Variants in NETO2 observed in about 807,000 individuals in gnomAD.
NETO2 encodes the protein neuropilin and tolloid like 2.
In NETO2, 28 loss-of-function variants were observed where a neutral mutation model predicts 62.5. That is an observed-to-expected ratio of 0.45 (90% confidence interval 0.33 to 0.61). The LOEUF (loss-of-function observed/expected upper bound fraction) is 0.61. NETO2 is among the 20% of genes least tolerant of loss of function. NETO2 has a pLI of 0.02. For missense variants in NETO2, 548 were observed against 643.2 expected (o/e 0.85, Z 1.60); for synonymous variants, 214 against 219.1 (o/e 0.98, Z 0.21).
intron 3 of NETO2, among the ~76,000 whole-genome samples, chr16:47,128,935 G>A (rs548098411): frequency 1.8e-4 from 27 of 152,248 alleles, no homozygotes; most frequent in African/African-American, 6.5e-4. Flanking sequence ...TTTGAATTAA[G>A]CCTTATAAGG....
At chr16:47,125,239 T>G (rs183631534) in intron 4 of NETO2, among the ~76,000 whole-genome samples, 1 of 152,244 alleles carries the variant, frequency 6.6e-6, no homozygotes, top group East Asian at 1.9e-4. Flanking sequence ...ATCAGTCATT[T>G]TGATATAAAC....
intron 6 of NETO2, among the ~76,000 whole-genome samples, chr16:47,117,166 C>A (rs1216219144): frequency 6.6e-6 from 1 of 152,132 alleles, no homozygotes; most frequent in Non-Finnish European, 1.5e-5. Context: ...CCCCTTACTG[C>A]CTATCCCAGC....
chr16:47,093,196 GCCT>G (rs1261832718), intron 7 of NETO2, among the ~76,000 whole-genome samples: 1 of 151,914 alleles, frequency 6.6e-6, no homozygotes, highest in Non-Finnish European at 1.5e-5. Context: ...TACCTTTCCT[GCCT>G]CCTTTCTCTG....
intron 1 of NETO2, among the ~76,000 whole-genome samples, chr16:47,140,235 T>C (rs1490710648): frequency 6.6e-6 from 1 of 152,198 alleles, no homozygotes; most frequent in Non-Finnish European, 1.5e-5. Context: ...TGGAAACCAT[T>C]GGATTAGACC....
At chr16:47,131,051 A>G (rs1348875517) in intron 2 of NETO2, among the ~76,000 whole-genome samples, 1 of 151,880 alleles carries the variant, frequency 6.6e-6, no homozygotes, top group East Asian at 1.9e-4. Context: ...AATGGAGGAA[A>G]GGGAATTTTA....
rs756978804 is a variant in NETO2 at position 47,128,591 on chromosome 16, G to A, written c.233-18C>T. 6.2e-6 allele frequency: 10 copies of A among 1,605,826 alleles called. No individual in the cohort carries two copies. Among genetic ancestry groups the A allele is most frequent in the East Asian group, 4.5e-5 (2 of 44,840 alleles). ...TGGAGCAGCTAGAAAATAAGAGTAA[G>A]CAAATCAGGACAACACAAACAAGAA... On this transcript the variant is annotated intron_variant, in intron 3 of 8. Coordinates refer to ENST00000562435, the MANE Select transcript of NETO2 (RefSeq NM_018092.5).
In NETO2 at chr16:47,088,588, T is replaced by C. The variant is rs954624834; in HGVS notation, c.884-2249A>G. On this transcript the variant is annotated intron_variant, in intron 7 of 8. Transcript: ENST00000562435. ...TTTTATACTGTTTTCAGAAGGTTTT[T>C]CAAGATAGAGTATCTAAAATTTTAC... Among the ~76,000 whole-genome samples the C allele has an allele frequency of 4.6e-5, 7 of 152,228 alleles. No homozygotes were observed. In the South Asian group the frequency reaches 1.4e-3, roughly 31 times the overall value.
In NETO2 at chr16:47,080,796, C is replaced by T. The variant is rs1963048951; in HGVS notation, c.*2425G>A. 6.6e-6 allele frequency: 1 copy of T among 152,180 alleles called. No individual in the cohort carries two copies. The highest frequency in any genetic ancestry group is 2.4e-5 in the African/African-American group (1 of 41,428). 9.4% of individuals were successfully genotyped at this position (152,180 alleles called of 1,614,324 possible). On this transcript the variant is annotated 3_prime_UTR_variant, in exon 9 of 9. Coordinates refer to ENST00000562435, the MANE Select transcript of NETO2 (RefSeq NM_018092.5). ...GGGTTAAGAAGCACCATTATAACCT[C>T]TGTCTCCATTTTGCATCTTTTTTAC...
At position 47,118,124 on chromosome 16, in the gene NETO2, C is replaced by T. The variant is rs1306873750; in HGVS notation, c.654+4533G>A. Among the ~76,000 whole-genome samples, 2 of 152,148 alleles carry T rather than the reference C, an allele frequency of 1.3e-5. 1 individual carries two copies. The highest frequency in any genetic ancestry group is 4.2e-4 in the South Asian group (2 of 4,818). Reference sequence around the variant, plus strand: ...CTGTTAAAAAATCCCTGGAGAATGTCGTTTTTTGTTATTTGTTTTGGTTCT... The same window carrying T: ...CTGTTAAAAAATCCCTGGAGAATGTTGTTTTTTGTTATTTGTTTTGGTTCT... On this transcript the variant is annotated intron_variant, in intron 6 of 8. Transcript: ENST00000562435.
At position 47,083,320 on chromosome 16, in the gene NETO2, C is replaced by G. The variant is rs1963109350; in HGVS notation, c.1479G>C (p.Glu493Asp). 1.9e-6 allele frequency: 3 copies of G among 1,614,090 alleles called. No homozygotes were observed. The African/African-American group carries it at 4.0e-5, about 22-fold the overall frequency. The change falls in exon 9 of 9, where the codon GAG becomes GAC. Residue 493 changes from glutamate (E) to aspartate (D), a missense_variant. Glu to Asp is a conservative substitution (Grantham distance 45). Transcript: ENST00000562435. ...YTFKQGHECP[E>D]QALEDRVMEE... The stretch of plus-strand genomic sequence containing the variant: ...CCATTACTCGGTCTTCCAGGGCCTG[C>G]TCAGGGCACTCATGTCCCTGTTTGA...
chr16:47,117,420 A>C (rs1256554479), intron 6 of NETO2, among the ~76,000 whole-genome samples: 1 of 152,036 alleles, frequency 6.6e-6, no homozygotes, highest in Non-Finnish European at 1.5e-5. Context: ...CAAGTTTGGG[A>C]CTTTTTAGCA....
chr16:47,091,188 G>A (rs542694782), intron 7 of NETO2, among the ~76,000 whole-genome samples: 185 of 152,158 alleles, frequency 1.2e-3, no homozygotes, highest in Non-Finnish European at 1.9e-3. Context: ...CTGAAGGGGC[G>A]GCTTTCTTCT....
chr16:47,115,302 T>C (rs1227449644), intron 6 of NETO2, among the ~76,000 whole-genome samples: 2 of 152,192 alleles, frequency 1.3e-5, no homozygotes, highest in Non-Finnish European at 2.9e-5. Context: ...ATTGTATTCA[T>C]CTGTGTAGAT....
chr16:47,112,845 AATG>A (rs1596724984), intron 6 of NETO2, among the ~76,000 whole-genome samples: 2 of 152,190 alleles, frequency 1.3e-5, no homozygotes, highest in East Asian at 3.8e-4. Context: ...GGAATATTTC[AATG>A]AAGAATGAGA....
Position 47,122,907 on chromosome 16 carries a change from C to T in NETO2, c.487G>A (p.Asp163Asn). 6.2e-7 allele frequency: 1 copy of T among 1,613,566 alleles called. No homozygotes were observed. Among genetic ancestry groups the T allele is most frequent in the Non-Finnish European group, 8.5e-7 (1 of 1,179,714 alleles). The change falls in exon 5 of 9, where the codon GAC (aspartate) becomes AAC (asparagine). Residue 163 changes from aspartate to asparagine, a missense_variant. Coordinates refer to ENST00000562435, the MANE Select transcript of NETO2 (RefSeq NM_018092.5). ...RAKYSFIPDP[D>N]FTYLGGILNP... The stretch of plus-strand genomic sequence containing the variant: ...AAAATACCTCCTAGGTAAGTAAAGT[C>T]TGGATCTGTAACAGAAAAAAGAAGA...
At chr16:47,092,440 A>G (rs1963331918) in intron 7 of NETO2, among the ~76,000 whole-genome samples, 1 of 152,162 alleles carries the variant, frequency 6.6e-6, no homozygotes, top group Admixed American at 6.5e-5. Flanking sequence ...GATACTTTAC[A>G]TTCTTTATTT....
rs182520593 is a variant in NETO2 at position 47,143,491 on chromosome 16, G to A, written c.34+88C>T. 1,598 of 1,203,050 alleles carry A rather than the reference G, an allele frequency of 1.3e-3. 15 individuals carry two copies. The African/African-American group carries it at 0.022, about 17-fold the overall frequency. 74.5% of individuals were successfully genotyped at this position (1,203,050 alleles called of 1,614,324 possible). A position where few individuals can be genotyped will look rare whatever the true frequency, so the allele number is the denominator to read the frequency against. ...AAGAGGCGCGTCGGGTCCCGGGCGC[G>A]GGTAAGGGACGCAGAGGCGCGGGCA... is the stretch of plus-strand genomic sequence containing the variant. On this transcript the variant is annotated intron_variant, in intron 1 of 8. Coordinates refer to ENST00000562435, the MANE Select transcript of NETO2 (RefSeq NM_018092.5).
At chr16:47,123,173 CG>C (rs1964076292) in intron 4 of NETO2, among the ~76,000 whole-genome samples, 1 of 152,132 alleles carries the variant, frequency 6.6e-6, no homozygotes, top group African/African-American at 2.4e-5. Context: ...AACAGGTAAA[CG>C]GAACATCACA....
intron 7 of NETO2, among the ~76,000 whole-genome samples, chr16:47,094,745 G>T (rs568848729): frequency 3.3e-5 from 5 of 151,804 alleles, no homozygotes; most frequent in East Asian, 3.9e-4. Flanking sequence ...TTGAGACGGG[G>T]TCTTGCTCTG....
Sources: allele counts gnomAD v4.1 joint callset (sites outside exome capture counted in the v4.1 genomes callset), GRCh38; gene constraint gnomAD v4.1.1; transcripts MANE v1.5; gene names NCBI Gene and HGNC (gene_info 2026-07-23, HGNC 2026-07-21).